COX10: variants seen among roughly 807,000 people sequenced by gnomAD.
COX10 encodes cytochrome c oxidase assembly factor heme A:farnesyltransferase COX10, also known as protoheme IX farnesyltransferase, mitochondrial.
A neutral mutation model predicts 37.3 loss-of-function variants in COX10; 27 were observed. The observed-to-expected ratio is 0.72, with a 90% confidence interval of 0.53 to 1.00. The LOEUF is 1.00. Ranked by LOEUF, COX10 falls within the 50% of genes least tolerant of loss-of-function variation. The probability of loss-of-function intolerance (pLI) is 0.00; values close to 1 mark genes in which losing one functional copy is unlikely to be tolerated. For missense variants in COX10, 475 were observed against 563.2 expected, an observed-to-expected ratio of 0.84 and a Z score of 1.59; for synonymous variants, 222 against 229.1, an observed-to-expected ratio of 0.97 and a Z score of 0.28.
At chr17:14,205,460 C>T (rs1470407634) in intron 6 of COX10, among the ~76,000 whole-genome samples, 1 of 152,212 alleles carries the variant, frequency 6.6e-6, no homozygotes, top group African/African-American at 2.4e-5. Flanking sequence ...TAGTGTGGCT[C>T]TTGATGTCTA....
chr17:14,103,591 G>C (rs1193625621), intron 4 of COX10, among the ~76,000 whole-genome samples: 1 of 152,048 alleles, frequency 6.6e-6, no homozygotes, highest in East Asian at 1.9e-4. Context: ...TGGTTCAGAA[G>C]CTCCTAAATA....
chr17:14,153,371 A>C (rs1347423682), intron 4 of COX10, among the ~76,000 whole-genome samples: 1 of 152,214 alleles, frequency 6.6e-6, no homozygotes, highest in Non-Finnish European at 1.5e-5. Flanking sequence ...CTGAAGTATG[A>C]GTCTAAATAC....
chr17:14,167,285 A>G (rs1446246016), intron 5 of COX10, among the ~76,000 whole-genome samples: 1 of 152,222 alleles, frequency 6.6e-6, no homozygotes, highest in East Asian at 1.9e-4. Flanking sequence ...ATGAGTAAAG[A>G]AAGTGGTTTC....
At chr17:14,169,523 G>GGGTCATTTA (rs1277573310) in intron 5 of COX10, among the ~76,000 whole-genome samples, 1 of 152,144 alleles carries the variant, frequency 6.6e-6, no homozygotes, top group African/African-American at 2.4e-5. Flanking sequence ...TCACACTGCT[G>GGGTCATTTA]TAAAGAACTA....
chr17:14,187,770 C>T (rs919913397), intron 5 of COX10, among the ~76,000 whole-genome samples: 7 of 152,194 alleles, frequency 4.6e-5, no homozygotes, highest in Admixed American at 2.0e-4. Context: ...GAGGGCTCCT[C>T]GTGCCAGAAG....
At position 14,126,965 on chromosome 17, in the gene COX10, A is replaced by T. The variant is rs5819458; in HGVS notation, c.624+24723A>T. Among the ~76,000 whole-genome samples the T allele has an allele frequency of 5.5e-3, 831 of 151,904 alleles. 8 individuals are homozygous for T. Among genetic ancestry groups the T allele is most frequent in the African/African-American group, 0.019 (766 of 41,356 alleles). ...TGTTTTTAACTTTAGAAAAAAATAG[A>T]TAGTGACTCGAATTCATGTTTCCTT... On this transcript the variant is annotated intron_variant, in intron 4 of 6. Transcript: ENST00000261643.
chr17:14,084,691 G>A (rs781009425), intron 3 of COX10, among the ~76,000 whole-genome samples: 5 of 151,782 alleles, frequency 3.3e-5, no homozygotes, highest in African/African-American at 7.3e-5. Flanking sequence ...GAAAAATTTC[G>A]CTCTTGTCAC....
chr17:14,186,760 C>T (rs1906041012), intron 5 of COX10, among the ~76,000 whole-genome samples: 1 of 152,050 alleles, frequency 6.6e-6, no homozygotes, highest in Non-Finnish European at 1.5e-5. Flanking sequence ...ACTCAAGACT[C>T]CAGCCACCCC....
intron 5 of COX10, among the ~76,000 whole-genome samples, chr17:14,173,774 C>T (rs905474859): frequency 5.9e-5 from 9 of 151,994 alleles, no homozygotes; most frequent in Admixed American, 2.6e-4. Flanking sequence ...ATTCTTTTCA[C>T]AATGTCATTG....
At chr17:14,152,295 G>A (rs1410440990) in intron 4 of COX10, among the ~76,000 whole-genome samples, 2 of 152,178 alleles carry the variant, frequency 1.3e-5, no homozygotes, top group African/African-American at 4.8e-5. Context: ...ATGGTGGAAG[G>A]TGAAAGGCAC....
chr17:14,133,424 T>C (rs1916509087), intron 4 of COX10, among the ~76,000 whole-genome samples: 1 of 151,650 alleles, frequency 6.6e-6, no homozygotes, highest in Non-Finnish European at 1.5e-5. Context: ...ATTAGGATAA[T>C]TAAGTTTTTG....
At chr17:14,120,860 A>G (rs929804600) in intron 4 of COX10, among the ~76,000 whole-genome samples, 3 of 152,056 alleles carry the variant, frequency 2.0e-5, no homozygotes, top group African/African-American at 7.2e-5. Context: ...GTGGCTTTAT[A>G]TCCTAAAGCT....
intron 5 of COX10, among the ~76,000 whole-genome samples, chr17:14,167,694 A>G (rs1905332031): frequency 6.6e-6 from 1 of 152,210 alleles, no homozygotes; most frequent in Admixed American, 6.5e-5. Flanking sequence ...AGGAGAGAGA[A>G]ACAGCAAAGG....
chr17:14,069,666 G>A lies in COX10; in HGVS notation c.43+18G>A, dbSNP rs1443931353. ...CCTGACAGGTACTGTACCCGCCTTG[G>A]GCACGACCTTGGGGGAAATTCTTCT... On this transcript the variant is annotated intron_variant, in intron 1 of 6. Coordinates refer to ENST00000261643, the MANE Select transcript of COX10 (RefSeq NM_001303.4). 1 of 1,614,050 alleles carries A rather than the reference G, an allele frequency of 6.2e-7. No individual in the cohort carries two copies. Among genetic ancestry groups the A allele is most frequent in the Non-Finnish European group, 8.5e-7 (1 of 1,179,988 alleles).
In COX10 at chr17:14,192,029, C is replaced by T. The variant is rs777697759; in HGVS notation, c.736C>T (p.Pro246Ser). The change falls in exon 6 of 7, where the codon CCG (proline) becomes TCG (serine). Residue 246 changes from proline to serine, a missense_variant. This residue lies in a region of COX10 where 54 missense variants were observed against 70.6 expected (regional missense o/e 0.76). Transcript: ENST00000261643. ...GTCCTTTGCCACTTGTTGTGCTGTT[C>T]CGGGAGTTGCCATTCTGACCTTGGG... ...AVSFATCCAV[P>S]GVAILTLGVN... 4 of 1,614,182 alleles carry T rather than the reference C, an allele frequency of 2.5e-6. No individual in the cohort carries two copies. In the East Asian group the frequency reaches 6.7e-5, roughly 27 times the overall value.
At chr17:14,187,868 G>A (rs1322178676) in intron 5 of COX10, among the ~76,000 whole-genome samples, 2 of 152,128 alleles carry the variant, frequency 1.3e-5, no homozygotes, top group African/African-American at 4.8e-5. Flanking sequence ...TGGCTTGTCA[G>A]CCTACCCAGT....
At chr17:14,082,736 C>T (rs1035517410) in intron 3 of COX10, among the ~76,000 whole-genome samples, 5 of 152,200 alleles carry the variant, frequency 3.3e-5, no homozygotes, top group Non-Finnish European at 7.4e-5. Context: ...TACATGAACT[C>T]ATTGGCTTCC....
intron 5 of COX10, among the ~76,000 whole-genome samples, chr17:14,182,938 T>G (rs1244495957): frequency 2.0e-5 from 3 of 152,148 alleles, no homozygotes; most frequent in Non-Finnish European, 4.4e-5. Flanking sequence ...AGGCACCAAA[T>G]TAAAGCTTGT....
intron 4 of COX10, among the ~76,000 whole-genome samples, chr17:14,107,431 G>T (rs957362418): frequency 6.6e-6 from 1 of 152,012 alleles, no homozygotes; most frequent in African/African-American, 2.4e-5. Flanking sequence ...GTATGGTCTT[G>T]CTATTCATAG....
Sources: allele counts gnomAD v4.1 joint callset (sites outside exome capture counted in the v4.1 genomes callset), GRCh38; gene constraint gnomAD v4.1.1; regional missense constraint gnomAD v4.1.1; transcripts MANE v1.5; gene names NCBI Gene and HGNC (gene_info 2026-07-23, HGNC 2026-07-21).